The following EXOC4 variants were observed in gnomAD, a reference collection of about 807,000 sequenced individuals.
The protein encoded by EXOC4 is exocyst complex component 4.
Under a neutral mutation model 107.2 loss-of-function variants are expected in EXOC4, and 71 were observed. The ratio of observed to expected loss-of-function variants is 0.66; its 90% CI spans 0.55 to 0.81. The LOEUF is 0.81. Among genes scored for constraint, EXOC4 ranks in the 30% least tolerant of loss-of-function variants. EXOC4 has a pLI of 0.00. For missense variants in EXOC4, 1,108 were observed against 1,189.6 expected (o/e 0.93, Z 1.01); for synonymous variants, 456 against 441.2 (o/e 1.03, Z -0.42).
At chr7:133,622,586 C>T (rs1802360259) in intron 9 of EXOC4, among the ~76,000 whole-genome samples, 1 of 152,088 alleles carries the variant, frequency 6.6e-6, no homozygotes, top group Non-Finnish European at 1.5e-5. Context: ...TGTTTTCCCC[C>T]CAAACGTTGC....
At chr7:133,879,665 T>C (rs535726594) in intron 11 of EXOC4, among the ~76,000 whole-genome samples, 1 of 152,344 alleles carries the variant, frequency 6.6e-6, no homozygotes, top group Non-Finnish European at 1.5e-5. Flanking sequence ...CTTTCTGATG[T>C]GCTAATCATC....
At chr7:133,581,630 C>A (rs1235141080) in intron 9 of EXOC4, among the ~76,000 whole-genome samples, 1 of 151,154 alleles carries the variant, frequency 6.6e-6, no homozygotes, top group East Asian at 2.0e-4. Context: ...TGGTGGTGGG[C>A]GCCTGTAATC....
chr7:134,005,651 G>A (rs1382957217), intron 16 of EXOC4, among the ~76,000 whole-genome samples: 1 of 152,176 alleles, frequency 6.6e-6, no homozygotes, highest in Non-Finnish European at 1.5e-5. Flanking sequence ...TGGAAAAAAT[G>A]TGATGGCACC....
intron 10 of EXOC4, among the ~76,000 whole-genome samples, chr7:133,783,779 C>G (rs1355481191): frequency 6.6e-6 from 1 of 152,184 alleles, no homozygotes; most frequent in East Asian, 1.9e-4. Flanking sequence ...TACATGTTCT[C>G]AGTAACAGGA....
intron 17 of EXOC4, among the ~76,000 whole-genome samples, chr7:134,026,215 A>G (rs1243953941): frequency 6.6e-6 from 1 of 151,510 alleles, no homozygotes; most frequent in African/African-American, 2.4e-5. Context: ...TCCTGCTTCT[A>G]TTTGCATCTG....
intron 10 of EXOC4, among the ~76,000 whole-genome samples, chr7:133,755,862 A>G (rs774690929): frequency 6.6e-6 from 1 of 152,254 alleles, no homozygotes; most frequent in South Asian, 2.1e-4. Context: ...TCTTTGATCT[A>G]AATAGCTTGC....
chr7:133,544,666 A>G (rs1441863324), intron 9 of EXOC4, among the ~76,000 whole-genome samples: 8 of 152,054 alleles, frequency 5.3e-5, no homozygotes, highest in Non-Finnish European at 1.2e-4. Context: ...CTCTAGGACC[A>G]TGTTAGTAAG....
At chr7:133,466,701 C>T (rs1057070331) in intron 7 of EXOC4, among the ~76,000 whole-genome samples, 17 of 152,116 alleles carry the variant, frequency 1.1e-4, no homozygotes, top group African/African-American at 4.1e-4. Flanking sequence ...ACCCTGATAA[C>T]AAAGCCAAAG....
chr7:133,923,335 G>T (rs1799981361), intron 13 of EXOC4, among the ~76,000 whole-genome samples: 1 of 151,926 alleles, frequency 6.6e-6, no homozygotes, highest in Non-Finnish European at 1.5e-5. Context: ...CACCATATTG[G>T]CCAGGCTAGT....
chr7:133,348,071 G>A (rs1795826388), intron 5 of EXOC4, among the ~76,000 whole-genome samples: 1 of 152,182 alleles, frequency 6.6e-6, no homozygotes, highest in Non-Finnish European at 1.5e-5. Flanking sequence ...TAATTCTGAT[G>A]TGAGACTTTA....
chr7:133,543,780 TG>T (rs1486345929), intron 9 of EXOC4, among the ~76,000 whole-genome samples: 1 of 152,144 alleles, frequency 6.6e-6, no homozygotes, highest in Non-Finnish European at 1.5e-5. Flanking sequence ...GAAGCATCCA[TG>T]GGAACATTTA....
chr7:133,588,910 G>GTA (rs940440753), intron 9 of EXOC4, among the ~76,000 whole-genome samples: 9 of 151,886 alleles, frequency 5.9e-5, no homozygotes, highest in Admixed American at 5.2e-4. Flanking sequence ...ATATGTATGT[G>GTA]TATATATATG....
At chr7:133,873,371 C>A (rs1328657359) in intron 11 of EXOC4, among the ~76,000 whole-genome samples, 1 of 152,138 alleles carries the variant, frequency 6.6e-6, no homozygotes, top group Non-Finnish European at 1.5e-5. Context: ...GTTAATGATA[C>A]CTCACACCTC....
chr7:133,894,502 G>A (rs1403622487), intron 11 of EXOC4, among the ~76,000 whole-genome samples: 20 of 109,570 alleles, frequency 1.8e-4, no homozygotes, highest in African/African-American at 7.2e-4. Context: ...GAGGAGAGGC[G>A]CTCTGCGTTT....
chr7:133,778,824 TCTA>T (rs1239467655), intron 10 of EXOC4, among the ~76,000 whole-genome samples: 1 of 152,236 alleles, frequency 6.6e-6, no homozygotes, highest in Non-Finnish European at 1.5e-5. Flanking sequence ...TTAATTTAGT[TCTA>T]CTAAAATGCT....
intron 10 of EXOC4, among the ~76,000 whole-genome samples, chr7:133,814,740 C>T (rs1563009916): frequency 6.6e-6 from 1 of 152,098 alleles, no homozygotes; most frequent in Non-Finnish European, 1.5e-5. Flanking sequence ...AAATTGGTAT[C>T]TTAGTATAGT....
intron 10 of EXOC4, among the ~76,000 whole-genome samples, chr7:133,808,601 G>A (rs1219726930): frequency 2.0e-5 from 3 of 152,092 alleles, no homozygotes; most frequent in Non-Finnish European, 2.9e-5. Context: ...TGCTGGGGGC[G>A]CCTTCTTTCT....
intron 9 of EXOC4, among the ~76,000 whole-genome samples, chr7:133,532,313 G>A (rs1164974322): frequency 6.6e-6 from 1 of 151,874 alleles, no homozygotes; most frequent in Non-Finnish European, 1.5e-5. Context: ...TAATATTTTA[G>A]AAACGTAAAA....
chr7:133,271,896 A>G (rs138166926), intron 1 of EXOC4, among the ~76,000 whole-genome samples: 127 of 152,240 alleles, frequency 8.3e-4, no homozygotes, highest in African/African-American at 2.9e-3. Flanking sequence ...AAGGAGGAAT[A>G]AGGTGACAAT....
Sources: allele counts gnomAD v4.1 joint callset (sites outside exome capture counted in the v4.1 genomes callset), GRCh38; gene constraint gnomAD v4.1.1; transcripts MANE v1.5; gene names NCBI Gene and HGNC (gene_info 2026-07-23, HGNC 2026-07-21).